Variants in SIK3 observed in about 807,000 individuals in gnomAD.
The protein encoded by SIK3 is serine/threonine-protein kinase SIK3.
In SIK3, 28 loss-of-function variants were observed where a neutral mutation model predicts 144.2. That is an observed-to-expected ratio of 0.19 (90% CI 0.14 to 0.27). SIK3 has a LOEUF of 0.27. Among genes scored for constraint, SIK3 ranks in the 10% least tolerant of loss-of-function variants. SIK3 has a pLI of 1.00. For missense variants in SIK3, 1,319 were observed against 1,776.0 expected (o/e 0.74, Z 4.62); for synonymous variants, 686 against 676.3 (o/e 1.01, Z -0.22).
At chr11:117,075,817 T>C (rs35192698) in intron 1 of SIK3, among the ~76,000 whole-genome samples, 1,743 of 143,578 alleles carry the variant, frequency 0.012, 17 homozygotes, top group Non-Finnish European at 0.02. Flanking sequence ...GCTGGGATTA[T>C]AGGCGTGAGC....
chr11:116,887,478 G>T (rs1944884709), intron 6 of SIK3, among the ~76,000 whole-genome samples: 1 of 151,918 alleles, frequency 6.6e-6, no homozygotes, highest in South Asian at 2.1e-4. Flanking sequence ...TTAGCTGGGT[G>T]TGGTGGCACG....
At chr11:116,860,103 G>C (rs1943233300) in intron 19 of SIK3, among the ~76,000 whole-genome samples, 1 of 152,108 alleles carries the variant, frequency 6.6e-6, no homozygotes, top group Non-Finnish European at 1.5e-5. Flanking sequence ...AAATTAGCTG[G>C]GTGTGGTGGC....
At chr11:116,908,575 C>G (rs1438997211) in intron 4 of SIK3, among the ~76,000 whole-genome samples, 1 of 151,818 alleles carries the variant, frequency 6.6e-6, no homozygotes, top group African/African-American at 2.4e-5. Context: ...AAACAAACTC[C>G]TATAAATCAA....
At chr11:117,022,148 TTGGG>T (rs1437716429) in intron 1 of SIK3, among the ~76,000 whole-genome samples, 4 of 152,044 alleles carry the variant, frequency 2.6e-5, no homozygotes, top group Admixed American at 6.6e-5. Flanking sequence ...CATTTTGTAG[TTGGG>T]TATGTCAAAA....
At chr11:116,949,581 C>T (rs1057114647) in intron 3 of SIK3, among the ~76,000 whole-genome samples, 5 of 152,134 alleles carry the variant, frequency 3.3e-5, no homozygotes, top group African/African-American at 7.2e-5. Context: ...CTCCTAGGCT[C>T]GAGCCATCCT....
chr11:116,946,977 T>C (rs533119179), intron 3 of SIK3, among the ~76,000 whole-genome samples: 187 of 151,208 alleles, frequency 1.2e-3, no homozygotes, highest in Non-Finnish European at 2.0e-3. Flanking sequence ...TAGCCGGGCA[T>C]AGTGGCGAGT....
chr11:116,922,905 C>CTTTTTTTTTTTTTTTTTT (rs1565455993), intron 4 of SIK3, among the ~76,000 whole-genome samples: 1 of 118,692 alleles, frequency 8.4e-6, no homozygotes. Context: ...CTTTTCTTTT[C>CTTTTTTTTTTTTTTTTTT]TCTTTTTTTT....
At chr11:116,973,531 T>C (rs1949837828) in intron 1 of SIK3, among the ~76,000 whole-genome samples, 1 of 152,234 alleles carries the variant, frequency 6.6e-6, no homozygotes, top group African/African-American at 2.4e-5. Context: ...AAGTTACTTT[T>C]TTCAATTGCA....
chr11:116,904,686 CTCAT>C (rs1283777035), intron 4 of SIK3: 1 of 152,114 alleles, frequency 6.6e-6, no homozygotes, highest in Non-Finnish European at 1.5e-5. Context: ...TTATAAGTCT[CTCAT>C]AAAATATTTT....
Position 116,863,749 on chromosome 11 carries a change from T to C in SIK3, c.2022A>G (p.Ser674=), listed in dbSNP as rs1488422048. 2.5e-6 allele frequency: 4 copies of C among 1,614,176 alleles called. No individual in the cohort carries two copies. The highest frequency in any genetic ancestry group is 3.4e-6 in the Non-Finnish European group (4 of 1,180,026). ...AGGCCTGGATGCTCGCAGCCCCATC[T>C]GAGAACCGGCGCACAGGGGAGAAAC... The part of the protein sequence containing the change: ...TERFSPVRRF[S]DGAASIQAFK... The change falls in exon 16 of 25, where the codon TCA becomes TCG. Residue 674 remains serine, a synonymous_variant. Transcript: ENST00000445177.
chr11:117,042,863 C>T (rs1952807408), intron 1 of SIK3, among the ~76,000 whole-genome samples: 1 of 152,162 alleles, frequency 6.6e-6, no homozygotes. Flanking sequence ...ACTTAGTAGC[C>T]GCCAAATTCT....
In SIK3 at chr11:116,968,440, C is replaced by T. The variant is rs143227370; in HGVS notation, c.274-11376G>A. Among the ~76,000 whole-genome samples the T allele has an allele frequency of 2.2e-4, 34 of 152,232 alleles. 1 individual carries two copies. In the East Asian group the frequency reaches 6.6e-3, roughly 29 times the overall value. On this transcript the variant is annotated intron_variant, in intron 1 of 24. Coordinates refer to ENST00000445177, the MANE Select transcript of SIK3 (RefSeq NM_001366686.3). ...GACAGGTGTGAGCCACCGTGCCTGG[C>T]CAAATTTCTGATATTTATTTTAAAG...
At chr11:116,996,999 T>C (rs1211085671) in intron 1 of SIK3, among the ~76,000 whole-genome samples, 10 of 152,054 alleles carry the variant, frequency 6.6e-5, no homozygotes, top group Admixed American at 6.6e-4. Context: ...CACAACAATA[T>C]CATAGAGGAC....
chr11:116,941,686 T>C (rs1203301103), intron 3 of SIK3, among the ~76,000 whole-genome samples: 1 of 152,320 alleles, frequency 6.6e-6, no homozygotes, highest in East Asian at 1.9e-4. Context: ...ACTGAGAATG[T>C]TCATAATAAA....
intron 1 of SIK3, among the ~76,000 whole-genome samples, chr11:116,962,695 T>G (rs1949391301): frequency 6.6e-6 from 1 of 152,148 alleles, no homozygotes; most frequent in Admixed American, 6.5e-5. Context: ...TGTAATACAG[T>G]AGGCACCAGC....
chr11:116,865,379 C>G (rs556719226), intron 15 of SIK3, among the ~76,000 whole-genome samples: 204 of 152,260 alleles, frequency 1.3e-3, no homozygotes, highest in African/African-American at 4.7e-3. Context: ...GACTGATACC[C>G]AGGTCAGTCC....
At chr11:116,935,556 G>A (rs1447628203) in intron 3 of SIK3, among the ~76,000 whole-genome samples, 1 of 152,038 alleles carries the variant, frequency 6.6e-6, no homozygotes, top group Admixed American at 6.5e-5. Flanking sequence ...ACCCAGGTAG[G>A]CTTTGAAATA....
At chr11:117,040,622 A>G (rs1228532725) in intron 1 of SIK3, among the ~76,000 whole-genome samples, 1 of 152,228 alleles carries the variant, frequency 6.6e-6, no homozygotes, top group Non-Finnish European at 1.5e-5. Flanking sequence ...GAGCCAGACC[A>G]TAATACAAAA....
chr11:117,018,426 C>A (rs887937317), intron 1 of SIK3, among the ~76,000 whole-genome samples: 2 of 152,210 alleles, frequency 1.3e-5, no homozygotes, highest in Non-Finnish European at 2.9e-5. Flanking sequence ...GACCAAATGA[C>A]AGTTCCAAAA....
Sources: gnomAD v4.1 joint callset for allele counts (sites outside exome capture counted in the v4.1 genomes callset) on GRCh38, gnomAD v4.1.1 for gene constraint, MANE v1.5 for transcripts, NCBI Gene and HGNC (gene_info 2026-07-23, HGNC 2026-07-21) for gene names.